Variants in CELF2 observed in about 807,000 individuals in gnomAD.
The protein encoded by CELF2 is CUGBP Elav-like family member 2.
CELF2 carries 8 observed loss-of-function variants against 62.6 expected under a neutral mutation model. The observed-to-expected ratio is 0.13, with a 90% confidence interval of 0.07 to 0.23. The LOEUF is 0.23. CELF2 is among the 10% of genes least tolerant of loss of function. The probability of loss-of-function intolerance (pLI) is 1.00; values close to 1 mark genes in which losing one functional copy is unlikely to be tolerated. For missense variants in CELF2, 333 were observed against 671.0 expected (o/e 0.50, Z 5.56); for synonymous variants, 258 against 250.0 (o/e 1.03, Z -0.30).
chr10:10,529,169 C>T, the CELF2 span, among the ~76,000 whole-genome samples: 7 of 152,182 alleles, frequency 4.6e-5, no homozygotes, highest in South Asian at 4.1e-4. Context: ...AATGCAGACA[C>T]GGCCTGTATT....
Position 11,042,741 on chromosome 10 carries a change from T to G in CELF2, c.74+24578T>G, listed in dbSNP as rs572064428. Among the ~76,000 whole-genome samples the G allele has an allele frequency of 2.4e-4, 36 of 152,344 alleles. No homozygotes were observed. In the South Asian group the frequency reaches 2.7e-3, roughly 11 times the overall value. The stretch of plus-strand genomic sequence containing the variant: ...GCAACCATTGATCTCTGTTCTGTGT[T>G]AACTGGATTTGCCTGTTACATGTAC... On this transcript the variant is annotated intron_variant, in intron 1 of 12. Transcript: ENST00000633077.
At chr10:11,146,237 T>C (rs78465598) in intron 1 of CELF2, among the ~76,000 whole-genome samples, 5,974 of 152,316 alleles carry the variant, frequency 0.039, 143 homozygotes, top group Middle Eastern at 0.048. Flanking sequence ...ATGAATGAAT[T>C]ATTCAAATAA....
At chr10:10,784,003 T>G in the CELF2 span, among the ~76,000 whole-genome samples, 93 of 151,778 alleles carry the variant, frequency 6.1e-4, no homozygotes, top group Admixed American at 1.4e-3. Context: ...AAAAAATAAA[T>G]AAAGAACTGA....
intron 1 of CELF2, among the ~76,000 whole-genome samples, chr10:11,072,655 T>C (rs2070476402): frequency 6.6e-6 from 1 of 152,194 alleles, no homozygotes; most frequent in Non-Finnish European, 1.5e-5. Flanking sequence ...AAGCAAAGGA[T>C]ATAGAGGCAG....
At chr10:10,857,649 G>GTTTATTTATATATATA (rs1554855649) in intron 1 of CELF2, among the ~76,000 whole-genome samples, 4 of 94,210 alleles carry the variant, frequency 4.2e-5, no homozygotes, top group African/African-American at 1.9e-4. Flanking sequence ...CATATATATA[G>GTTTATTTATATATATA]TATATATATA....
At position 11,244,728 on chromosome 10, in the gene CELF2, C is replaced by G. The variant is rs952998258; in HGVS notation, c.355-4425C>G. ...TCCTCTGTTGGTTAGGATATCGTATCATTGTTCTTGATCAACAGTAGGGCC... is the reference window on the plus strand; with the variant it reads ...TCCTCTGTTGGTTAGGATATCGTATGATTGTTCTTGATCAACAGTAGGGCC... On this transcript the variant is annotated intron_variant, in intron 3 of 12. Transcript: ENST00000633077. This position sits in a 1 kb window ranked among gnomAD's most constrained non-coding sequence, Gnocchi z 4.2. Among the ~76,000 whole-genome samples, 1 of 151,618 alleles carries G rather than the reference C, an allele frequency of 6.6e-6. No individual in the cohort carries two copies. The highest frequency in any genetic ancestry group is 1.5e-5 in the Non-Finnish European group (1 of 67,944).
rs1247851470 is a variant in CELF2, at chr10:11,042,238, G to T, written c.74+24075G>T. Among the ~76,000 whole-genome samples the T allele has an allele frequency of 4.6e-5, 7 of 152,278 alleles. No individual in the cohort carries two copies. The East Asian group carries it at 9.6e-4, about 21-fold the overall frequency. ...GACAGTAGACAGTATATTTGATCCC[G>T]AGCTTTTTAAAGCCTGGCAGCACTG... On this transcript the variant is annotated intron_variant, in intron 1 of 12. Coordinates refer to ENST00000633077, the MANE Select transcript of CELF2 (RefSeq NM_001326342.2).
At chr10:11,251,137 G>T (rs1230618390) in intron 4 of CELF2, among the ~76,000 whole-genome samples, 1 of 152,124 alleles carries the variant, frequency 6.6e-6, no homozygotes, top group Admixed American at 6.5e-5. Context: ...TCAGGACAAG[G>T]ACCATGAAGT....
At chr10:10,482,953 G>T in the CELF2 span, among the ~76,000 whole-genome samples, 30,137 of 151,994 alleles carry the variant, frequency 0.2, 3,129 homozygotes, top group East Asian at 0.29. Context: ...TGCTTCACCT[G>T]CCTGGCCCCT....
chr10:11,240,901 G>A lies in CELF2; in HGVS notation c.355-8252G>A, dbSNP rs369697846. On this transcript the variant is annotated intron_variant, in intron 3 of 12. Transcript: ENST00000633077. ...TGGATGCACATGACAGGCGGCGTGG[G>A]GTAGAGGCCTCAGGCTTGTGCTCCC... Among the ~76,000 whole-genome samples, 3 of 152,140 alleles carry A rather than the reference G, an allele frequency of 2.0e-5. No homozygotes were observed. The South Asian group carries it at 6.2e-4, about 32-fold the overall frequency.
chr10:10,509,535 C>T, the CELF2 span, among the ~76,000 whole-genome samples: 3 of 152,192 alleles, frequency 2.0e-5, no homozygotes, highest in Non-Finnish European at 4.4e-5. Context: ...TCCCAGCCTT[C>T]AGAACTATGA....
At chr10:10,838,658 T>G (rs2058466096) in intron 1 of CELF2, among the ~76,000 whole-genome samples, 1 of 152,242 alleles carries the variant, frequency 6.6e-6, no homozygotes, top group Non-Finnish European at 1.5e-5. Context: ...GTTCTGTCCT[T>G]GGCCATGGGA....
At chr10:10,650,789 C>T in the CELF2 span, among the ~76,000 whole-genome samples, 1 of 152,196 alleles carries the variant, frequency 6.6e-6, no homozygotes, top group South Asian at 2.1e-4. Context: ...AAATATTTAA[C>T]ACAGAGTCAC....
chr10:10,492,869 T>C, the CELF2 span, among the ~76,000 whole-genome samples: 109,640 of 151,776 alleles, frequency 0.72, 40,085 homozygotes, highest in South Asian at 0.81. Context: ...AGTGAATAAG[T>C]CTCATGAGAG....
chr10:10,930,180 G>GT (rs1443140881), intron 2 of CELF2, among the ~76,000 whole-genome samples: 4 of 152,152 alleles, frequency 2.6e-5, no homozygotes, highest in Non-Finnish European at 5.9e-5. Flanking sequence ...ATATTGTTAA[G>GT]TTACTCACTG....
the CELF2 span, among the ~76,000 whole-genome samples, chr10:10,653,995 A>G: frequency 1.1e-4 from 16 of 151,900 alleles, no homozygotes; most frequent in African/African-American, 3.9e-4. Flanking sequence ...AAAAAAAGAG[A>G]GAAGAATCAA....
intron 1 of CELF2, among the ~76,000 whole-genome samples, chr10:10,909,600 G>A (rs149111422): frequency 6.6e-6 from 1 of 152,280 alleles, no homozygotes; most frequent in African/African-American, 2.4e-5. Flanking sequence ...GAAAGAGAAG[G>A]AGCATCTCTA....
At chr10:10,935,638 A>C (rs17149140) in intron 2 of CELF2, among the ~76,000 whole-genome samples, 33,960 of 152,152 alleles carry the variant, frequency 0.22, 4,009 homozygotes, top group Middle Eastern at 0.38. Flanking sequence ...CATTTCTAGC[A>C]ATAATAAAGA....
At position 10,891,541 on chromosome 10, in the gene CELF2, A is replaced by C. The variant is rs187593973; in HGVS notation, c.54-28423A>C. Among the ~76,000 whole-genome samples the C allele has an allele frequency of 1.4e-3, 216 of 152,004 alleles. 1 individual carries two copies. Among genetic ancestry groups the C allele is most frequent in the East Asian group, 5.6e-3 (29 of 5,184 alleles). ...CATCCTTGCAACAACCCTGAGAGGT[A>C]TGTGTCATGTTTCTCATTTTTCAAA... is the stretch of plus-strand genomic sequence containing the variant. On this transcript the variant is annotated intron_variant, in intron 1 of 13. Transcript: ENST00000636488.
Sources: gnomAD v4.1 joint callset for allele counts (sites outside exome capture counted in the v4.1 genomes callset) on GRCh38, gnomAD v4.1.1 for gene constraint, Gnocchi (gnomAD v3.1) non-coding constraint, MANE v1.5 for transcripts, NCBI Gene and HGNC (gene_info 2026-07-23, HGNC 2026-07-21) for gene names.